The following HYDIN variants were observed in gnomAD, a reference collection of about 807,000 sequenced individuals.
HYDIN encodes axonemal central pair apparatus protein HYDIN.
HYDIN carries 132 observed loss-of-function variants against 403.9 expected under a neutral mutation model. That is an observed-to-expected ratio of 0.33 (90% CI 0.28 to 0.38). The LOEUF (loss-of-function observed/expected upper bound fraction) is 0.38, where lower values mean the gene tolerates loss of function less well. HYDIN is among the 10% of genes least tolerant of loss of function. The pLI is 1.00. For missense variants in HYDIN, 2,827 were observed against 5,009.5 expected, an observed-to-expected ratio of 0.56 and a Z score of 13.15; for synonymous variants, 1,202 against 1,891.7, an observed-to-expected ratio of 0.64 and a Z score of 9.46.
intron 83 of HYDIN, among the ~76,000 whole-genome samples, chr16:70,818,811 G>A (rs2036026792): frequency 6.6e-6 from 1 of 151,498 alleles, no homozygotes; most frequent in Admixed American, 6.6e-5. Flanking sequence ...CTTTAGAAGA[G>A]GCTAGATAGA....
intron 41 of HYDIN, among the ~76,000 whole-genome samples, chr16:70,946,975 T>C (rs1191279977): frequency 6.6e-6 from 1 of 152,164 alleles, no homozygotes; most frequent in Non-Finnish European, 1.5e-5. Context: ...TACAATCATG[T>C]CGTCTACAAA....
At chr16:71,062,471 A>C in intron 16 of HYDIN, 138 bp from the exon 17 acceptor site, 1 of 640,738 alleles carries the variant, frequency 1.6e-6, no homozygotes, top group Non-Finnish European at 2.6e-6. Flanking sequence ...AATAGGGATG[A>C]GCACCCCAAT....
intron 23 of HYDIN, among the ~76,000 whole-genome samples, chr16:71,016,468 G>A (rs1203923740): frequency 6.6e-6 from 1 of 150,832 alleles, no homozygotes; most frequent in Admixed American, 6.6e-5. Flanking sequence ...CAATAAACAA[G>A]TGTTGGTGAG....
intron 20 of HYDIN, chr16:71,027,066 A>T (rs2144142550): frequency 2.4e-6 from 2 of 845,760 alleles, no homozygotes; most frequent in Middle Eastern, 1.2e-3. Flanking sequence ...TGTTTTACGT[A>T]GAGTGTATGG....
chr16:70,834,053 A>G lies in HYDIN; in HGVS notation c.13513T>C (p.Phe4505Leu). The G allele has an allele frequency of 1.9e-6, 3 of 1,603,962 alleles. No homozygotes were observed. Among genetic ancestry groups the G allele is most frequent in the Non-Finnish European group, 2.6e-6 (3 of 1,172,276 alleles). The stretch of plus-strand genomic sequence containing the variant: ...CGCAGGAGCCCCATGCATTCCATGA[A>G]CACTTCCTCAGAGAAGGGAGGGACA... ...KRVPPFSEEV[F>L]MECMGLLRPL... The change falls in exon 79 of 86, where the codon TTC (phenylalanine) becomes CTC (leucine). Residue 4505 changes from phenylalanine to leucine, a missense_variant. By Grantham distance (22) the Phe-to-Leu change is conservative. Coordinates refer to ENST00000393567, the MANE Select transcript of HYDIN (RefSeq NM_001270974.2).
chr16:71,156,534 T>C (rs1244879268), intron 6 of HYDIN, among the ~76,000 whole-genome samples: 1 of 152,242 alleles, frequency 6.6e-6, no homozygotes, highest in Non-Finnish European at 1.5e-5. Flanking sequence ...TTGGTTTTGA[T>C]ATCATATCTT....
intron 75 of HYDIN, among the ~76,000 whole-genome samples, chr16:70,842,242 G>T (rs2037877817): frequency 6.6e-6 from 1 of 151,906 alleles, no homozygotes; most frequent in Non-Finnish European, 1.5e-5. Context: ...TTATTTCCTT[G>T]CTGACCTTCT....
chr16:70,882,638 G>C, intron 60 of HYDIN, 22 bp downstream of exon 60: 1 of 1,535,804 alleles, frequency 6.5e-7, no homozygotes, highest in South Asian at 1.1e-5. Context: ...CGCTGGGCCA[G>C]GGGCCATTGG....
Position 71,186,835 on chromosome 16 carries a change from A to T in HYDIN, c.61T>A (p.Phe21Ile). The stretch of plus-strand genomic sequence containing the variant: ...AAAACCTTGCTTTGAAATCCTTTGA[A>T]CATATTGACCAATCCCATCTGAACA... ...GAVQMGLVNM[F>I]KGFQSKVLPP... The change falls in exon 2 of 86, where the codon TTC becomes ATC. Residue 21 changes from phenylalanine to isoleucine, a missense_variant. Phe to Ile is a conservative substitution (Grantham distance 21, BLOSUM62 0). Coordinates refer to ENST00000393567, the MANE Select transcript of HYDIN (RefSeq NM_001270974.2). The T allele has an allele frequency of 6.2e-7, 1 of 1,613,380 alleles. No individual in the cohort carries two copies. The highest frequency in any genetic ancestry group is 1.3e-5 in the African/African-American group (1 of 74,990).
At chr16:70,888,216 T>G (rs1424064251) in intron 58 of HYDIN, among the ~76,000 whole-genome samples, 5 of 152,324 alleles carry the variant, frequency 3.3e-5, no homozygotes, top group Non-Finnish European at 7.3e-5. Context: ...TCATCTAGCA[T>G]TTATCTATTT....
chr16:71,211,826 C>A (rs534957277), intron 1 of HYDIN, among the ~76,000 whole-genome samples: 1 of 151,892 alleles, frequency 6.6e-6, no homozygotes, highest in Non-Finnish European at 1.5e-5. Context: ...GCAGAAATAC[C>A]ATGAAAGGCT....
At chr16:71,179,744 G>C (rs555019796) in intron 3 of HYDIN, among the ~76,000 whole-genome samples, 11 of 152,280 alleles carry the variant, frequency 7.2e-5, no homozygotes, top group African/African-American at 2.2e-4. Context: ...CCACTGAGAA[G>C]CCAGGTTTGT....
chr16:70,996,933 A>G (rs946307540), intron 23 of HYDIN, among the ~76,000 whole-genome samples: 4 of 150,582 alleles, frequency 2.7e-5, no homozygotes, highest in Non-Finnish European at 5.9e-5. Flanking sequence ...TTATTATTAC[A>G]TTGTAATATA....
chr16:70,808,082 A>G lies in HYDIN; in HGVS notation c.14884-20T>C. 1 of 1,580,494 alleles carries G rather than the reference A, an allele frequency of 6.3e-7. No homozygotes were observed. The highest frequency in any genetic ancestry group is 2.2e-5 in the East Asian group (1 of 44,540). On this transcript the variant is annotated intron_variant, in intron 85 of 85. Transcript: ENST00000393567. ...GTCGGTCTGAAAGGGGAACAAACAA[A>G]CTCAGCTCACGTGAGATCCTGAAGA...
In HYDIN at chr16:71,051,221, T is replaced by C. The variant is rs927630005; in HGVS notation, c.2529+9283A>G. Among the ~76,000 whole-genome samples the C allele has an allele frequency of 2.6e-5, 4 of 152,326 alleles. No homozygotes were observed. In the East Asian group the frequency reaches 7.7e-4, roughly 29 times the overall value. ...TTAACAGATAAGGAAAAAAATCATA[T>C]AATCATCTGGATAGACACAGGAAAT... On this transcript the variant is annotated intron_variant, in intron 18 of 85. Transcript: ENST00000393567.
At chr16:71,064,498 A>T (rs1597687445) in intron 16 of HYDIN, among the ~76,000 whole-genome samples, 2 of 152,158 alleles carry the variant, frequency 1.3e-5, no homozygotes, top group African/African-American at 4.8e-5. Context: ...GAAATTAACA[A>T]CGATTTACAC....
At chr16:70,955,175 G>A (rs899141911) in intron 40 of HYDIN, among the ~76,000 whole-genome samples, 200 bp downstream of exon 40, 6 of 152,066 alleles carry the variant, frequency 3.9e-5, no homozygotes, top group South Asian at 2.1e-4. Context: ...GCAAGAGCAC[G>A]CTGGCATTGG....
At chr16:71,180,224 AAAT>A (rs2086841944) in intron 3 of HYDIN, among the ~76,000 whole-genome samples, 1 of 152,150 alleles carries the variant, frequency 6.6e-6, no homozygotes, top group Non-Finnish European at 1.5e-5. Flanking sequence ...TTCAGTAAAA[AAAT>A]AATAAATATT....
At chr16:71,073,103 C>T (rs1416631785) in intron 13 of HYDIN, among the ~76,000 whole-genome samples, 1 of 152,260 alleles carries the variant, frequency 6.6e-6, no homozygotes, top group Non-Finnish European at 1.5e-5. Flanking sequence ...CAGAAATAGA[C>T]TGCTATTTCA....
Sources: allele counts gnomAD v4.1 joint callset (sites outside exome capture counted in the v4.1 genomes callset), GRCh38; gene constraint gnomAD v4.1.1; transcripts MANE v1.5; gene names NCBI Gene and HGNC (gene_info 2026-07-23, HGNC 2026-07-21).